The following FCHO2 variants were observed in gnomAD, a reference collection of about 807,000 sequenced individuals.
FCHO2 encodes the protein F-BAR domain only protein 2.
FCHO2 carries 43 observed loss-of-function variants against 114.1 expected under a neutral mutation model. The observed-to-expected ratio is 0.38, with a 90% CI of 0.30 to 0.49. The LOEUF (loss-of-function observed/expected upper bound fraction) is 0.49, where lower values mean the gene tolerates loss of function less well. Ranked by LOEUF, FCHO2 falls within the 20% of genes least tolerant of loss-of-function variation. FCHO2 has a pLI of 0.97. For synonymous variants in FCHO2, 293 were observed against 315.2 expected (o/e 0.93, Z 0.75); for missense variants, 807 against 950.4 (o/e 0.85, Z 1.98).
chr5:72,998,218 TG>T (rs2112690562), intron 5 of FCHO2, among the ~76,000 whole-genome samples: 1 of 152,266 alleles, frequency 6.6e-6, no homozygotes, highest in African/African-American at 2.4e-5. Flanking sequence ...TCAGGCGCGG[TG>T]GCTCACACCT....
intron 2 of FCHO2, among the ~76,000 whole-genome samples, chr5:72,988,575 A>G (rs1580055838): frequency 6.6e-6 from 1 of 152,224 alleles, no homozygotes; most frequent in East Asian, 1.9e-4. Flanking sequence ...GCTAAACAGT[A>G]GTTATATAAA....
intron 19 of FCHO2, among the ~76,000 whole-genome samples, chr5:73,072,825 C>T (rs1247530068): frequency 6.6e-6 from 1 of 151,748 alleles, no homozygotes. Flanking sequence ...TGTTGCACAG[C>T]GTTATGAATA....
intron 8 of FCHO2, among the ~76,000 whole-genome samples, chr5:73,030,127 C>T (rs1418599569): frequency 1.3e-5 from 2 of 151,052 alleles, no homozygotes; most frequent in Admixed American, 6.6e-5. Context: ...CTGCAACCTC[C>T]GCCTCCTGGG....
chr5:73,050,437 G>T (rs1187643576), intron 11 of FCHO2, among the ~76,000 whole-genome samples: 2 of 151,920 alleles, frequency 1.3e-5, no homozygotes, highest in Admixed American at 6.6e-5. Flanking sequence ...TCCAGCCTCA[G>T]CCTCCAGAGT....
At chr5:72,986,446 A>G (rs747656332) in intron 2 of FCHO2, among the ~76,000 whole-genome samples, 95 of 152,200 alleles carry the variant, frequency 6.2e-4, no homozygotes, top group Middle Eastern at 3.4e-3. Context: ...TTCTCAACTG[A>G]TCAGCTACCT....
intron 2 of FCHO2, among the ~76,000 whole-genome samples, chr5:72,970,552 C>T (rs1382489978): frequency 6.6e-6 from 1 of 151,072 alleles, no homozygotes; most frequent in African/African-American, 2.4e-5. Flanking sequence ...TAAAATATTC[C>T]TAAAATGACT....
chr5:73,018,885 A>G (rs961120751), intron 8 of FCHO2, among the ~76,000 whole-genome samples: 5 of 152,278 alleles, frequency 3.3e-5, no homozygotes, highest in East Asian at 3.9e-4. Context: ...CACATCTTCA[A>G]TAGTTTTCCA....
intron 6 of FCHO2, among the ~76,000 whole-genome samples, chr5:73,009,003 T>C (rs576351545): frequency 4.4e-4 from 67 of 152,286 alleles, no homozygotes; most frequent in Non-Finnish European, 8.1e-4. Flanking sequence ...GACAGCACTT[T>C]TAGAGTGTGG....
At chr5:73,018,249 G>T (rs570936309) in intron 8 of FCHO2, among the ~76,000 whole-genome samples, 2 of 152,174 alleles carry the variant, frequency 1.3e-5, no homozygotes, top group East Asian at 3.9e-4. Context: ...TGATTCAATT[G>T]TATTAGTATT....
At chr5:73,025,626 ACCTTGG>A (rs1755874409) in intron 8 of FCHO2, among the ~76,000 whole-genome samples, 2 of 151,824 alleles carry the variant, frequency 1.3e-5, no homozygotes, top group Admixed American at 1.3e-4. Flanking sequence ...TAATCCTCCC[ACCTTGG>A]CCTCCCAAAG....
chr5:73,049,025 C>T (rs1026451557), intron 11 of FCHO2, among the ~76,000 whole-genome samples: 8 of 150,952 alleles, frequency 5.3e-5, no homozygotes, highest in Admixed American at 2.6e-4. Flanking sequence ...TACAGGCGCC[C>T]GCTACCACGC....
At chr5:72,964,375 A>G (rs1485589108) in intron 1 of FCHO2, among the ~76,000 whole-genome samples, 3 of 152,118 alleles carry the variant, frequency 2.0e-5, no homozygotes, top group African/African-American at 7.2e-5. Context: ...TGCCTATTCT[A>G]CATACTTTAT....
At chr5:73,065,719 A>G (rs1231620467) in intron 18 of FCHO2, among the ~76,000 whole-genome samples, 1 of 152,018 alleles carries the variant, frequency 6.6e-6, no homozygotes, top group Non-Finnish European at 1.5e-5. Context: ...ATATCTTTCT[A>G]TATCATGAAT....
intron 18 of FCHO2, among the ~76,000 whole-genome samples, chr5:73,068,034 C>G (rs1340895603): frequency 6.6e-6 from 1 of 151,852 alleles, no homozygotes; most frequent in Non-Finnish European, 1.5e-5. Context: ...CAAGGAATTA[C>G]TGAGGAAAAT....
intron 5 of FCHO2, among the ~76,000 whole-genome samples, chr5:72,994,946 G>A (rs1272247039): frequency 6.6e-6 from 1 of 152,056 alleles, no homozygotes; most frequent in Non-Finnish European, 1.5e-5. Context: ...AGACACTGGG[G>A]CCTACTGGAG....
At chr5:72,959,844 A>G (rs1751757128) in intron 1 of FCHO2, among the ~76,000 whole-genome samples, 1 of 150,746 alleles carries the variant, frequency 6.6e-6, no homozygotes, top group Admixed American at 6.6e-5. Context: ...CAGTGGCACG[A>G]GCATGGCTCG....
rs562079269 is a variant in FCHO2, at chr5:72,972,526, G to T, written c.125+3937G>T. On this transcript the variant is annotated intron_variant, in intron 2 of 25. Transcript: ENST00000430046. ...TTGTCTGTTGTTGGTGTATAAGAATGCTTGTGATTTTTGTACATTGATTTT... is the reference window on the plus strand; with the variant it reads ...TTGTCTGTTGTTGGTGTATAAGAATTCTTGTGATTTTTGTACATTGATTTT... Among the ~76,000 whole-genome samples, 476 of 152,212 alleles carry T rather than the reference G, an allele frequency of 3.1e-3. 2 individuals are homozygous for T. The highest frequency in any genetic ancestry group is 0.031 in the Middle Eastern group (9 of 292).
intron 8 of FCHO2, chr5:73,021,017 A>G: frequency 2.2e-6 from 3 of 1,364,092 alleles, no homozygotes; most frequent in Non-Finnish European, 3.1e-6. Context: ...ATGGGGTGGA[A>G]ATGAGCCAAA....
intron 10 of FCHO2, among the ~76,000 whole-genome samples, chr5:73,039,715 G>A (rs1162223181): frequency 1.3e-5 from 2 of 151,012 alleles, no homozygotes; most frequent in Non-Finnish European, 2.9e-5. Flanking sequence ...ATTACTTGAG[G>A]TCAGGAGTTC....
Sources: allele counts gnomAD v4.1 joint callset (sites outside exome capture counted in the v4.1 genomes callset), GRCh38; gene constraint gnomAD v4.1.1; transcripts MANE v1.5; gene names NCBI Gene and HGNC (gene_info 2026-07-23, HGNC 2026-07-21).